SORBS2: variants seen among roughly 807,000 people sequenced by gnomAD.
The protein encoded by SORBS2 is sorbin and SH3 domain containing 2.
Under a neutral mutation model 97.7 loss-of-function variants are expected in SORBS2, and 46 were observed. That is an observed-to-expected ratio of 0.47 (90% CI 0.37 to 0.60). SORBS2 has a LOEUF of 0.60. Among genes scored for constraint, SORBS2 ranks in the 20% least tolerant of loss-of-function variants. The pLI is 0.00. For synonymous variants in SORBS2, 476 were observed against 473.4 expected (o/e 1.01, Z -0.07); for missense variants, 1,316 against 1,282.3 (o/e 1.03, Z -0.40).
intron 4 of SORBS2, among the ~76,000 whole-genome samples, chr4:185,631,286 G>A (rs558007097): frequency 1.3e-5 from 2 of 152,312 alleles, no homozygotes; most frequent in South Asian, 2.1e-4. Flanking sequence ...TTTTTAAAGT[G>A]CGCTTTTAAA....
intron 1 of SORBS2, among the ~76,000 whole-genome samples, chr4:185,839,209 C>G (rs2099210042): frequency 6.6e-6 from 1 of 152,206 alleles, no homozygotes; most frequent in African/African-American, 2.4e-5. Context: ...AAGACAAATG[C>G]AAATGGCAAA....
At chr4:185,797,575 C>T (rs1333000609) in intron 1 of SORBS2, among the ~76,000 whole-genome samples, 1 of 152,170 alleles carries the variant, frequency 6.6e-6, no homozygotes, top group Non-Finnish European at 1.5e-5. Flanking sequence ...GTGCCAGGCG[C>T]TATGCCGGTC....
intron 1 of SORBS2, among the ~76,000 whole-genome samples, chr4:185,909,604 A>G (rs1056113442): frequency 3.9e-5 from 6 of 152,230 alleles, no homozygotes; most frequent in African/African-American, 7.2e-5. Context: ...AAATCTTTCA[A>G]GCATTGCTTT....
At chr4:185,652,083 C>T (rs2097324995) in intron 2 of SORBS2, among the ~76,000 whole-genome samples, 1 of 152,112 alleles carries the variant, frequency 6.6e-6, no homozygotes. Context: ...AATCATTCTC[C>T]CACATTAGCC....
chr4:185,879,206 T>C (rs1010385330), intron 1 of SORBS2, among the ~76,000 whole-genome samples: 1 of 132,980 alleles, frequency 7.5e-6, no homozygotes, highest in Non-Finnish European at 1.5e-5. Context: ...TGTGTGATGT[T>C]CCCCTTCCTG....
intron 1 of SORBS2, among the ~76,000 whole-genome samples, chr4:185,950,732 G>C (rs1035360657): frequency 4.6e-5 from 7 of 152,126 alleles, no homozygotes; most frequent in African/African-American, 1.7e-4. Flanking sequence ...TTTTAATAAT[G>C]TTGCCCTTTT....
At chr4:185,852,420 G>C (rs897705278) in intron 1 of SORBS2, among the ~76,000 whole-genome samples, 1 of 152,098 alleles carries the variant, frequency 6.6e-6, no homozygotes, top group Admixed American at 6.6e-5. Flanking sequence ...CATAGGTATA[G>C]GTAAGGTCAC....
chr4:185,755,006 A>G (rs972597162), intron 2 of SORBS2, among the ~76,000 whole-genome samples: 2 of 152,250 alleles, frequency 1.3e-5, no homozygotes, highest in Non-Finnish European at 2.9e-5. Context: ...ATTATCTCTG[A>G]CAAACTGGCA....
In SORBS2 at chr4:185,691,055, A is replaced by C. The variant is rs908628505; in HGVS notation, c.-197-12233T>G. Among the ~76,000 whole-genome samples the C allele has an allele frequency of 8.6e-5, 13 of 151,922 alleles. No individual in the cohort carries two copies. The South Asian group carries it at 2.5e-3, about 29-fold the overall frequency. ...GCTGGGATTACAGGCACATGCCACC[A>C]CACCCAGCTAATTTTTTTCTATTTT... On this transcript the variant is annotated intron_variant, in intron 2 of 20. Coordinates refer to the SORBS2 transcript ENST00000284776.
exon 1 of SORBS2, chr4:185,656,957 C>A: frequency 8.8e-7 from 1 of 1,137,630 alleles, no homozygotes; most frequent in Non-Finnish European, 1.1e-6. Context: ...TCTCACCTCC[C>A]AACTCCCAAA....
intron 4 of SORBS2, among the ~76,000 whole-genome samples, chr4:185,633,529 T>C (rs1464457297): frequency 6.6e-6 from 1 of 151,850 alleles, no homozygotes; most frequent in Non-Finnish European, 1.5e-5. Flanking sequence ...AAGTTTCTAC[T>C]ATTTTTATGC....
chr4:185,912,409 AC>A (rs1211120555), intron 1 of SORBS2, among the ~76,000 whole-genome samples: 2 of 151,766 alleles, frequency 1.3e-5, no homozygotes, highest in Non-Finnish European at 2.9e-5. Flanking sequence ...ACATGGTGAA[AC>A]CCCGTCTCTA....
intron 1 of SORBS2, among the ~76,000 whole-genome samples, chr4:185,858,064 G>T (rs186187369): frequency 4.6e-5 from 7 of 152,194 alleles, no homozygotes; most frequent in African/African-American, 1.7e-4. Context: ...ATAAAAACTC[G>T]CTGGTTTTGC....
chr4:185,652,290 AGCAGGCTCAGGCAGACCCGC>A (rs2097328552), intron 2 of SORBS2, among the ~76,000 whole-genome samples: 1 of 152,310 alleles, frequency 6.6e-6, no homozygotes, highest in South Asian at 2.1e-4. Flanking sequence ...CTGTCTACAG[AGCAGGCTCAGGCAGACCCGC>A]GCAGGCTCAC....
chr4:185,866,551 G>A (rs1213079707), intron 1 of SORBS2, among the ~76,000 whole-genome samples: 1 of 152,168 alleles, frequency 6.6e-6, no homozygotes, highest in African/African-American at 2.4e-5. Context: ...ATACAGTGGA[G>A]GTAATAACGG....
intron 1 of SORBS2, among the ~76,000 whole-genome samples, chr4:185,856,604 G>A (rs866866570): frequency 2.6e-5 from 4 of 152,026 alleles, no homozygotes; most frequent in South Asian, 4.2e-4. Flanking sequence ...CTTTACTATG[G>A]CTATGGTTTG....
intron 1 of SORBS2, among the ~76,000 whole-genome samples, chr4:185,795,489 G>A (rs978984542): frequency 1.3e-5 from 2 of 152,038 alleles, no homozygotes; most frequent in African/African-American, 4.8e-5. Flanking sequence ...TGGCAACCAC[G>A]GGCTACATGT....
intron 4 of SORBS2, among the ~76,000 whole-genome samples, chr4:185,665,098 A>C (rs772608270): frequency 3.5e-4 from 54 of 152,198 alleles, no homozygotes; most frequent in Non-Finnish European, 6.2e-4. Context: ...TGATAAACAA[A>C]ATAAAAAATG....
intron 1 of SORBS2, among the ~76,000 whole-genome samples, chr4:185,837,528 G>A (rs2099208774): frequency 2.0e-5 from 3 of 152,176 alleles, no homozygotes; most frequent in Admixed American, 2.0e-4. Context: ...AATGCAACTA[G>A]GTTGGAAGAA....
Sources: allele counts gnomAD v4.1 joint callset (sites outside exome capture counted in the v4.1 genomes callset), GRCh38; gene constraint gnomAD v4.1.1; transcripts MANE v1.5; gene names NCBI Gene and HGNC (gene_info 2026-07-23, HGNC 2026-07-21).